Variants in OPHN1 observed in about 807,000 individuals in gnomAD.
OPHN1 encodes oligophrenin-1.
Under a neutral mutation model 60.7 loss-of-function variants are expected in OPHN1, and 11 were observed. That is an observed-to-expected ratio of 0.18 (90% CI 0.11 to 0.30). The LOEUF (loss-of-function observed/expected upper bound fraction) is 0.30. Ranked by LOEUF, OPHN1 falls within the 10% of genes least tolerant of loss-of-function variation. OPHN1 has a pLI of 1.00. For synonymous variants in OPHN1, 226 were observed against 222.6 expected (o/e 1.02, Z -0.14); for missense variants, 449 against 611.0 (o/e 0.73, Z 2.80).
chrX:68,264,511 C>T (rs2077912019), intron 5 of OPHN1, among the ~76,000 whole-genome samples: 1 of 112,282 alleles, frequency 8.9e-6, no homozygotes, highest in South Asian at 3.7e-4. Flanking sequence ...AAAAAATGCT[C>T]ATCATCACTG....
chrX:68,130,630 C>G lies in OPHN1; in HGVS notation c.1277-11298G>C, dbSNP rs771028977. On this transcript the variant is annotated intron_variant, in intron 15 of 24. Transcript: ENST00000355520. ...ATGGTGACTATGTAAATCAAAATTTCCAAACATATCCTCCACAAAACAATA... is the reference window on the plus strand; with the variant it reads ...ATGGTGACTATGTAAATCAAAATTTGCAAACATATCCTCCACAAAACAATA... 5.1e-3 allele frequency among the ~76,000 whole-genome samples: 569 copies of G among 110,930 alleles called. 3 individuals carry two copies. Among genetic ancestry groups the G allele is most frequent in the African/African-American group, 0.018 (539 of 30,501 alleles).
intron 16 of OPHN1, among the ~76,000 whole-genome samples, chrX:68,114,636 G>A (rs917961333): frequency 1.0e-4 from 11 of 110,037 alleles, no homozygotes; most frequent in Non-Finnish European, 1.9e-4. Context: ...ATGGTGGTGC[G>A]TGCCTGTAGT....
intron 5 of OPHN1, among the ~76,000 whole-genome samples, chrX:68,266,691 T>C (rs2077930157): frequency 9.0e-6 from 1 of 111,450 alleles, no homozygotes; most frequent in Non-Finnish European, 1.9e-5. Context: ...TTAACCTTAA[T>C]GTGAATGGGC....
At chrX:68,238,777 G>A (rs754168199) in intron 5 of OPHN1, among the ~76,000 whole-genome samples, 58 of 111,587 alleles carry the variant, frequency 5.2e-4, no homozygotes, top group African/African-American at 1.8e-3. Flanking sequence ...GGCGCATGCA[G>A]ATGGGCAGGT....
At position 68,283,946 on chromosome X, in the gene OPHN1, C is replaced by T. The variant is rs146236712; in HGVS notation, c.251-829G>A. Among the ~76,000 whole-genome samples, 103 of 111,744 alleles carry T rather than the reference C, an allele frequency of 9.2e-4. 1 individual carries two copies. In the East Asian group the frequency reaches 0.028, roughly 30 times the overall value. On this transcript the variant is annotated intron_variant, in intron 3 of 24. Transcript: ENST00000355520. The stretch of plus-strand genomic sequence containing the variant: ...CTTTCTTCTTCTGAGGATTAAGTTG[C>T]TGCAAATACCCAGGGAGATCACCTT...
At chrX:68,235,612 C>T (rs1268143372) in intron 5 of OPHN1, among the ~76,000 whole-genome samples, 2 of 106,532 alleles carry the variant, frequency 1.9e-5, no homozygotes, top group Non-Finnish European at 3.9e-5. Flanking sequence ...CCGAGGCGGG[C>T]GGATCACCTG....
intron 15 of OPHN1, among the ~76,000 whole-genome samples, chrX:68,155,977 T>C (rs1185695750): frequency 9.0e-6 from 1 of 111,572 alleles, no homozygotes; most frequent in Non-Finnish European, 1.9e-5. Context: ...CATACAGCAA[T>C]TGAGTGTCCT....
At chrX:68,068,710 A>G (rs894977868) in intron 20 of OPHN1, among the ~76,000 whole-genome samples, 1 of 111,846 alleles carries the variant, frequency 8.9e-6, no homozygotes, top group African/African-American at 3.3e-5. Context: ...ATGGATAAAT[A>G]AAATGTGCTA....
At chrX:68,206,717 G>C (rs775650401) in intron 9 of OPHN1, 44 bp from the exon 10 acceptor site, 2 of 981,387 alleles carry the variant, frequency 2.0e-6, no homozygotes, top group Admixed American at 4.4e-5. Flanking sequence ...AACTATTTTA[G>C]CTGTATAGGA....
At chrX:68,234,446 T>C (rs2077743264) in intron 6 of OPHN1, 41 bp downstream of exon 6, 2 of 1,006,769 alleles carry the variant, frequency 2.0e-6, no homozygotes, top group Non-Finnish European at 1.4e-6. Flanking sequence ...TTCTAAGGCA[T>C]AGCTAGCAAT....
intron 5 of OPHN1, among the ~76,000 whole-genome samples, chrX:68,251,631 A>C (rs1482419426): frequency 9.0e-6 from 1 of 111,677 alleles, no homozygotes; most frequent in Admixed American, 9.5e-5. Context: ...TATCTAGGTA[A>C]GTGAAAATAT....
At chrX:68,378,753 C>T (rs1221454000) in intron 2 of OPHN1, among the ~76,000 whole-genome samples, 2 of 110,929 alleles carry the variant, frequency 1.8e-5, no homozygotes, top group Non-Finnish European at 3.8e-5. Flanking sequence ...AGATATGTGG[C>T]GTTATTTCTG....
intron 17 of OPHN1, chrX:68,112,476 A>C: frequency 8.6e-6 from 1 of 115,848 alleles, no homozygotes; most frequent in Non-Finnish European, 1.8e-5. Flanking sequence ...TGTTAAAATC[A>C]CTGAGAGAGC....
chrX:68,244,929 T>C (rs760846291), intron 5 of OPHN1, among the ~76,000 whole-genome samples: 2 of 111,370 alleles, frequency 1.8e-5, no homozygotes, highest in African/African-American at 3.3e-5. Context: ...AACCCATAAT[T>C]GACTCTAAAG....
intron 2 of OPHN1, among the ~76,000 whole-genome samples, chrX:68,311,621 C>T (rs910187008): frequency 1.8e-5 from 2 of 111,426 alleles, no homozygotes; most frequent in Non-Finnish European, 3.8e-5. Flanking sequence ...TTAGTAGAGA[C>T]GGGGTTTCAC....
chrX:68,128,898 G>A (rs190231969), intron 15 of OPHN1, among the ~76,000 whole-genome samples: 3 of 111,684 alleles, frequency 2.7e-5, no homozygotes, highest in Non-Finnish European at 3.8e-5. Flanking sequence ...TAAGACCATC[G>A]TATAAATGTA....
At chrX:68,432,321 C>T (rs959873766) in intron 2 of OPHN1, among the ~76,000 whole-genome samples, 17 of 111,936 alleles carry the variant, frequency 1.5e-4, no homozygotes, top group African/African-American at 5.5e-4. Context: ...TAAACCATAG[C>T]TCAGTGTGAT....
chrX:68,413,591 G>T (rs1260876285), intron 2 of OPHN1, among the ~76,000 whole-genome samples: 3 of 111,351 alleles, frequency 2.7e-5, no homozygotes, highest in Admixed American at 1.9e-4. Context: ...ATCCCTCTCT[G>T]TTGCAATTCC....
intron 20 of OPHN1, chrX:68,071,219 C>G: frequency 1.5e-6 from 1 of 672,520 alleles, no homozygotes; most frequent in Admixed American, 2.2e-5. Context: ...AAAAAACCAC[C>G]AGCCTTCTGT....
Sources: gnomAD v4.1 joint callset for allele counts (sites outside exome capture counted in the v4.1 genomes callset) on GRCh38, gnomAD v4.1.1 for gene constraint, MANE v1.5 for transcripts, NCBI Gene and HGNC (gene_info 2026-07-23, HGNC 2026-07-21) for gene names.